Variants in ADGRL3 observed in about 807,000 individuals in gnomAD.
ADGRL3 encodes calcium-independent alpha-latrotoxin receptor 3.
ADGRL3 carries 62 observed loss-of-function variants against 153.5 expected under a neutral mutation model. That is an observed-to-expected ratio of 0.40 (90% CI 0.33 to 0.50). ADGRL3 has a LOEUF of 0.50. Ranked by LOEUF, ADGRL3 falls within the 20% of genes least tolerant of loss-of-function variation. ADGRL3 has a pLI of 0.47. For missense variants in ADGRL3, 1,641 were observed against 1,859.4 expected (o/e 0.88, Z 2.16); for synonymous variants, 710 against 672.5 (o/e 1.06, Z -0.86).
Position 62,070,150 on chromosome 4 carries a change from A to G in ADGRL3, c.3874A>G (p.Thr1292Ala). The change falls in exon 27 of 27, where the codon ACT becomes GCT. Residue 1292 changes from threonine (T) to alanine (A), a missense_variant. Thr to Ala is a moderately conservative substitution (Grantham distance 58). This residue lies in a region of ADGRL3 where 517 missense variants were observed against 555.0 expected (regional missense o/e 0.93). Coordinates refer to ENST00000683033, the MANE Select transcript of ADGRL3 (RefSeq NM_001387552.1). The stretch of plus-strand genomic sequence containing the variant: ...TGCCAGGGATACAAGTGTCATGGAT[A>G]CTCTACCACTGAATGGTAACCATGG... ...NNARDTSVMD[T>A]LPLNGNHGNS... 5 of 1,613,944 alleles carry G rather than the reference A, an allele frequency of 3.1e-6. No individual in the cohort carries two copies. The highest frequency in any genetic ancestry group is 4.2e-6 in the Non-Finnish European group (5 of 1,179,962).
At chr4:61,782,845 T>A (rs1291620019) in intron 8 of ADGRL3, among the ~76,000 whole-genome samples, 2 of 152,132 alleles carry the variant, frequency 1.3e-5, no homozygotes, top group African/African-American at 4.8e-5. Context: ...ACAGACATAG[T>A]CTGAATGTGT....
intron 21 of ADGRL3, among the ~76,000 whole-genome samples, chr4:62,028,197 A>G (rs1026187768): frequency 6.6e-6 from 1 of 151,858 alleles, no homozygotes; most frequent in Non-Finnish European, 1.5e-5. Context: ...TTAGGATCTT[A>G]TTTTATCCAA....
intron 25 of ADGRL3, 80 bp downstream of exon 25, chr4:62,044,629 C>G: frequency 1.1e-6 from 1 of 898,068 alleles, no homozygotes; most frequent in Non-Finnish European, 1.7e-6. Context: ...TTATTTGCAA[C>G]TTCTGAACCT....
chr4:61,729,710 A>G (rs1424228789), intron 6 of ADGRL3, among the ~76,000 whole-genome samples: 2 of 151,996 alleles, frequency 1.3e-5, no homozygotes, highest in Non-Finnish European at 2.9e-5. Flanking sequence ...TCTGTGAAAC[A>G]AAATATTTAT....
rs2098329432 is a variant in ADGRL3, at chr4:61,497,232, G to T, written c.-62G>T. 7.6e-6 allele frequency: 7 copies of T among 917,166 alleles called. No individual in the cohort carries two copies. Among genetic ancestry groups the T allele is most frequent in the Non-Finnish European group, 1.2e-5 (7 of 578,110 alleles). The allele number at this position is 917,166 out of a possible 1,614,324, so 56.8% of individuals were successfully genotyped here. On this transcript the variant is annotated 5_prime_UTR_variant, in exon 3 of 27. Transcript: ENST00000683033. ...TACAGAAGAGAAACTAGAAATATAC[G>T]TATTTTGTTTCACATTTGAACAGTC...
intron 1 of ADGRL3, among the ~76,000 whole-genome samples, chr4:61,284,022 T>G (rs2093826902): frequency 1.3e-5 from 2 of 151,998 alleles, no homozygotes; most frequent in South Asian, 4.1e-4. Flanking sequence ...CTTGTGTTTG[T>G]GAACCAAGTA....
rs189795867 is a variant in ADGRL3, at chr4:61,885,874, C to G, written c.1481-6782C>G. Among the ~76,000 whole-genome samples, 4 of 152,086 alleles carry G rather than the reference C, an allele frequency of 2.6e-5. No individual in the cohort carries two copies. The East Asian group carries it at 7.7e-4, about 29-fold the overall frequency. On this transcript the variant is annotated intron_variant, in intron 9 of 26. Transcript: ENST00000683033. The stretch of plus-strand genomic sequence containing the variant: ...GTTGGGAGTACTAAATTAGACAGCA[C>G]ATATGTAAAACATTCAGGACAGTTT...
chr4:61,939,435 T>C (rs980883896), intron 15 of ADGRL3, among the ~76,000 whole-genome samples: 1 of 152,054 alleles, frequency 6.6e-6, no homozygotes, highest in African/African-American at 2.4e-5. Flanking sequence ...TTTCTTCTTA[T>C]TACTATTTCT....
chr4:61,231,216 A>T (rs1427672745), intron 1 of ADGRL3, among the ~76,000 whole-genome samples: 3 of 152,200 alleles, frequency 2.0e-5, no homozygotes, highest in African/African-American at 4.8e-5. Context: ...TGTGACCTCA[A>T]TTGATATTAT....
chr4:61,542,294 A>G (rs1283934044), intron 4 of ADGRL3, among the ~76,000 whole-genome samples: 1 of 152,194 alleles, frequency 6.6e-6, no homozygotes, highest in African/African-American at 2.4e-5. Flanking sequence ...AAGTTTCACA[A>G]TTTATTTACT....
intron 1 of ADGRL3, among the ~76,000 whole-genome samples, chr4:61,308,977 A>AAT (rs1553899844): frequency 6.6e-6 from 1 of 152,176 alleles, no homozygotes; most frequent in Non-Finnish European, 1.5e-5. Flanking sequence ...ACAATAAGGT[A>AAT]ATATATATGT....
At chr4:61,710,837 AAAT>A (rs1212831609) in intron 6 of ADGRL3, among the ~76,000 whole-genome samples, 1 of 152,146 alleles carries the variant, frequency 6.6e-6, no homozygotes, top group Non-Finnish European at 1.5e-5. Flanking sequence ...CACTTCAAAT[AAAT>A]AATATTGATT....
intron 2 of ADGRL3, among the ~76,000 whole-genome samples, chr4:61,411,743 T>C (rs2097090555): frequency 6.6e-6 from 1 of 152,166 alleles, no homozygotes; most frequent in African/African-American, 2.4e-5. Flanking sequence ...CATGCACATG[T>C]TAGGCTGAGC....
intron 2 of ADGRL3, among the ~76,000 whole-genome samples, chr4:61,414,141 A>G (rs1272633062): frequency 1.3e-5 from 2 of 152,204 alleles, no homozygotes; most frequent in East Asian, 3.9e-4. Context: ...AGGAGTCACT[A>G]TTAGTCTGCC....
At chr4:61,761,282 G>T (rs1010377480) in intron 8 of ADGRL3, among the ~76,000 whole-genome samples, 1 of 152,164 alleles carries the variant, frequency 6.6e-6, no homozygotes, top group Non-Finnish European at 1.5e-5. Context: ...AGTTTGTTTT[G>T]GGAAAGGGCT....
intron 5 of ADGRL3, among the ~76,000 whole-genome samples, chr4:61,599,992 T>C (rs889104546): frequency 1.3e-5 from 2 of 152,176 alleles, no homozygotes; most frequent in South Asian, 2.1e-4. Context: ...AAAAAATTAA[T>C]TTAAACTGAA....
At chr4:61,950,582 A>G (rs1186282162) in intron 17 of ADGRL3, among the ~76,000 whole-genome samples, 2 of 152,218 alleles carry the variant, frequency 1.3e-5, no homozygotes, top group African/African-American at 2.4e-5. Context: ...TAAATTTAAG[A>G]TTTGATTGGG....
chr4:61,318,635 A>G (rs1440145907), intron 1 of ADGRL3, among the ~76,000 whole-genome samples: 2 of 152,204 alleles, frequency 1.3e-5, no homozygotes, highest in Non-Finnish European at 2.9e-5. Flanking sequence ...GCTAGGCTAC[A>G]ACATGACAAA....
intron 9 of ADGRL3, among the ~76,000 whole-genome samples, chr4:61,849,686 A>T (rs567855178): frequency 2.7e-4 from 41 of 152,156 alleles, no homozygotes; most frequent in Middle Eastern, 6.8e-3. Context: ...GTCTGATTTT[A>T]ATTATCTTTA....
Sources: allele counts gnomAD v4.1 joint callset (sites outside exome capture counted in the v4.1 genomes callset), GRCh38; gene constraint gnomAD v4.1.1; regional missense constraint gnomAD v4.1.1; transcripts MANE v1.5; gene names NCBI Gene and HGNC (gene_info 2026-07-23, HGNC 2026-07-21).